Variants in ATP10B observed in about 807,000 individuals in gnomAD.
ATP10B encodes the protein ATPase phospholipid transporting 10B (putative), also known as phospholipid-transporting ATPase VB.
A neutral mutation model predicts 141.2 loss-of-function variants in ATP10B; 122 were observed. That is an observed-to-expected ratio of 0.86 (90% CI 0.75 to 1.00). The LOEUF (loss-of-function observed/expected upper bound fraction) is 1.00. ATP10B is among the 50% of genes least tolerant of loss of function. ATP10B has a pLI of 0.00. For missense variants in ATP10B, 1,876 were observed against 1,825.3 expected, an observed-to-expected ratio of 1.03 and a Z score of -0.51; for synonymous variants, 685 against 692.0, an observed-to-expected ratio of 0.99 and a Z score of 0.16.
intron 3 of ATP10B, among the ~76,000 whole-genome samples, chr5:160,707,922 T>A (rs1033983349): frequency 2.0e-5 from 3 of 151,868 alleles, no homozygotes; most frequent in Non-Finnish European, 4.4e-5. Context: ...AATGATAGAG[T>A]GATGTCCCCC....
intron 2 of ATP10B, among the ~76,000 whole-genome samples, chr5:160,735,921 T>TA (rs1201805139): frequency 2.6e-5 from 4 of 151,762 alleles, no homozygotes; most frequent in South Asian, 2.1e-4. Context: ...TTAAGGAAAT[T>TA]AAAAAAAATT....
At chr5:160,776,059 C>T (rs1021916964) in intron 2 of ATP10B, among the ~76,000 whole-genome samples, 2 of 152,122 alleles carry the variant, frequency 1.3e-5, no homozygotes, top group Non-Finnish European at 2.9e-5. Flanking sequence ...TGGTTACTGT[C>T]AAGAGTATTC....
chr5:160,772,473 A>G (rs183322340), intron 2 of ATP10B, among the ~76,000 whole-genome samples: 3 of 152,236 alleles, frequency 2.0e-5, no homozygotes, highest in Admixed American at 1.3e-4. Flanking sequence ...GCAGTTCCCA[A>G]CCTTTTGGCA....
At chr5:160,863,680 TAAATAA>T in the ATP10B span, among the ~76,000 whole-genome samples, 3 of 151,932 alleles carry the variant, frequency 2.0e-5, no homozygotes, top group Admixed American at 6.6e-5. Context: ...TTTGAAAAGA[TAAATAA>T]AATTGGTAGA....
chr5:160,732,879 G>T (rs1766840319), intron 2 of ATP10B, among the ~76,000 whole-genome samples: 2 of 152,126 alleles, frequency 1.3e-5, no homozygotes, highest in Admixed American at 1.3e-4. Flanking sequence ...GTCTTGCTCT[G>T]TTGCCCGTGC....
chr5:160,652,189 C>T (rs1479285436), intron 7 of ATP10B, among the ~76,000 whole-genome samples: 3 of 152,024 alleles, frequency 2.0e-5, no homozygotes. Flanking sequence ...GGACTTTTGT[C>T]CCCATCTTCC....
chr5:160,594,203 C>T (rs1756520975), intron 22 of ATP10B, among the ~76,000 whole-genome samples: 1 of 152,162 alleles, frequency 6.6e-6, no homozygotes. Flanking sequence ...GCAGAAACTC[C>T]ACAAGCCAGA....
intron 1 of ATP10B, among the ~76,000 whole-genome samples, chr5:160,818,509 G>T (rs35152202): frequency 6.6e-6 from 1 of 152,220 alleles, no homozygotes; most frequent in Admixed American, 6.5e-5. Flanking sequence ...ACAGGTGCTG[G>T]AAAGGATGTG....
rs574458741 is a variant in ATP10B at position 160,729,583 on chromosome 5, G to A, written c.-330-12549C>T. ...AGCGGTACAAGCAAAGATTGAAGGA[G>A]TAAATGAATTCAGGAGGTGACAACG... On this transcript the variant is annotated intron_variant, in intron 2 of 25. Transcript: ENST00000327245. 6.7e-4 allele frequency among the ~76,000 whole-genome samples: 102 copies of A among 152,322 alleles called. 1 individual carries two copies. Among genetic ancestry groups the A allele is most frequent in the South Asian group, 2.7e-3 (13 of 4,828 alleles).
intron 1 of ATP10B, among the ~76,000 whole-genome samples, chr5:160,816,490 T>A (rs1773637474): frequency 6.6e-6 from 1 of 152,060 alleles, no homozygotes; most frequent in South Asian, 2.1e-4. Flanking sequence ...TAACAGGATC[T>A]GAAATTGAGG....
chr5:160,696,655 C>A (rs1308837931), intron 3 of ATP10B, among the ~76,000 whole-genome samples: 1 of 152,138 alleles, frequency 6.6e-6, no homozygotes, highest in Non-Finnish European at 1.5e-5. Context: ...TTGTGGCTTA[C>A]CTACTAATGC....
At chr5:160,871,018 A>G in the ATP10B span, among the ~76,000 whole-genome samples, 1 of 152,226 alleles carries the variant, frequency 6.6e-6, no homozygotes, top group African/African-American at 2.4e-5. Context: ...AGCCTTTCTC[A>G]AACAAAAATT....
In ATP10B at chr5:160,794,958, C is replaced by G. The variant is rs148144597; in HGVS notation, c.-575-9155G>C. The stretch of plus-strand genomic sequence containing the variant: ...CCACAAATGCAAGAAATGCATTTGT[C>G]TCACTTATTTATTGTCTCCCCAGCA... On this transcript the variant is annotated intron_variant, in intron 1 of 25. Transcript: ENST00000327245. 8.8e-3 allele frequency among the ~76,000 whole-genome samples: 1,335 copies of G among 152,224 alleles called. 8 individuals carry two copies. Among genetic ancestry groups the G allele is most frequent in the Non-Finnish European group, 0.01 (692 of 68,008 alleles).
In ATP10B at chr5:160,585,296, T is replaced by C. The variant is rs138073367; in HGVS notation, c.3750+4296A>G. On this transcript the variant is annotated intron_variant, in intron 24 of 25. Transcript: ENST00000327245. ...TTTTAATTTCAATGACAATATTTTA[T>C]TTTCAAGAATTCATTAGCTTGGTGG... Among the ~76,000 whole-genome samples the C allele has an allele frequency of 2.8e-4, 43 of 152,364 alleles. No homozygotes were observed. In the East Asian group the frequency reaches 6.5e-3, roughly 23 times the overall value.
In ATP10B at chr5:160,622,376, G is replaced by T; in HGVS notation, c.1812+18C>A. On this transcript the variant is annotated intron_variant, in intron 14 of 25. Transcript: ENST00000327245. The stretch of plus-strand genomic sequence containing the variant: ...CTACCTCCTTTACCCTCCTCCCCCA[G>T]CCATCGCTGGTCCTTACCCTCTGCC... The T allele has an allele frequency of 6.3e-7, 1 of 1,599,276 alleles. No homozygotes were observed. Among genetic ancestry groups the T allele is most frequent in the Non-Finnish European group, 8.5e-7 (1 of 1,173,558 alleles).
In ATP10B at chr5:160,602,470, G is replaced by A; in HGVS notation, c.3363+107C>T. 2.7e-6 allele frequency: 4 copies of A among 1,467,760 alleles called. No individual in the cohort carries two copies. The Admixed American group carries it at 7.2e-5, about 27-fold the overall frequency. The allele number at this position is 1,467,760 out of a possible 1,614,324, so 90.9% of individuals were successfully genotyped here. A position where few individuals can be genotyped will look rare whatever the true frequency, so the allele number is the denominator to read the frequency against. ...TCAAGATCTAACACTATGCCAGCCT[G>A]ACTCCTTCCTTTATGCTGAGGTGCT... On this transcript the variant is annotated intron_variant, in intron 21 of 25. Transcript: ENST00000327245.
chr5:160,872,276 A>G, the ATP10B span, among the ~76,000 whole-genome samples: 3 of 152,104 alleles, frequency 2.0e-5, no homozygotes. Context: ...TCTGGATATT[A>G]CTTTTCTGTC....
intron 2 of ATP10B, among the ~76,000 whole-genome samples, chr5:160,737,977 A>G (rs895712110): frequency 6.6e-6 from 1 of 152,136 alleles, no homozygotes; most frequent in Non-Finnish European, 1.5e-5. Flanking sequence ...ATTTGTAGAC[A>G]TATAACCTAA....
chr5:160,894,128 C>T, the ATP10B span, among the ~76,000 whole-genome samples: 23 of 152,128 alleles, frequency 1.5e-4, no homozygotes, highest in East Asian at 5.8e-4. Context: ...TAAACCAGAA[C>T]GCGCCTCTTC....
Sources: gnomAD v4.1 joint callset for allele counts (sites outside exome capture counted in the v4.1 genomes callset) on GRCh38, gnomAD v4.1.1 for gene constraint, MANE v1.5 for transcripts, NCBI Gene and HGNC (gene_info 2026-07-23, HGNC 2026-07-21) for gene names.